LYPLA1: variants seen among roughly 807,000 people sequenced by gnomAD.
LYPLA1 encodes lysophospholipase 1.
LYPLA1 carries 17 observed loss-of-function variants against 34.0 expected under a neutral mutation model. That is an observed-to-expected ratio of 0.50 (90% CI 0.34 to 0.75). The LOEUF (loss-of-function observed/expected upper bound fraction) is 0.75, where lower values mean the gene tolerates loss of function less well. Ranked by LOEUF, LYPLA1 falls within the 30% of genes least tolerant of loss-of-function variation. The pLI is 0.01. For synonymous variants in LYPLA1, 98 were observed against 100.8 expected, an observed-to-expected ratio of 0.97 and a Z score of 0.17; for missense variants, 203 against 288.8, an observed-to-expected ratio of 0.70 and a Z score of 2.15.
chr8:54,050,069 T>C (rs1291010729), intron 8 of LYPLA1, among the ~76,000 whole-genome samples: 1 of 152,220 alleles, frequency 6.6e-6, no homozygotes, highest in Non-Finnish European at 1.5e-5. Flanking sequence ...TTTTTTCTTA[T>C]AATGCTTTCT....
intron 6 of LYPLA1, chr8:54,053,666 C>T (rs1806003086): frequency 2.2e-6 from 1 of 456,156 alleles, no homozygotes; most frequent in African/African-American, 2.0e-5. Flanking sequence ...TGTGTGGCTA[C>T]ACCTGTAACA....
At chr8:54,097,026 A>G (rs772157684) in intron 2 of LYPLA1, among the ~76,000 whole-genome samples, 1 of 152,260 alleles carries the variant, frequency 6.6e-6, no homozygotes, top group Non-Finnish European at 1.5e-5. Context: ...GAATGACAGA[A>G]TTGGAAAATC....
intron 5 of LYPLA1, among the ~76,000 whole-genome samples, chr8:54,061,142 G>T (rs1436259959): frequency 6.7e-6 from 1 of 149,820 alleles, no homozygotes; most frequent in South Asian, 2.1e-4. Flanking sequence ...GTGCAATGGC[G>T]CAATCTCGGC....
At chr8:54,098,428 C>T (rs1026596755) in intron 2 of LYPLA1, among the ~76,000 whole-genome samples, 4 of 152,152 alleles carry the variant, frequency 2.6e-5, no homozygotes, top group Non-Finnish European at 5.9e-5. Flanking sequence ...CCTGTAATCC[C>T]AGCACTGCGG....
At chr8:54,056,597 GA>G (rs898982411) in intron 5 of LYPLA1, among the ~76,000 whole-genome samples, 2 of 151,996 alleles carry the variant, frequency 1.3e-5, no homozygotes, top group Non-Finnish European at 2.9e-5. Flanking sequence ...AACTCTATAG[GA>G]AAAAAATCTA....
intron 3 of LYPLA1, among the ~76,000 whole-genome samples, chr8:54,064,181 G>T (rs1302862900): frequency 6.6e-6 from 1 of 152,206 alleles, no homozygotes; most frequent in Non-Finnish European, 1.5e-5. Flanking sequence ...TTGGGAGGCC[G>T]AGGCGGGCGG....
At chr8:54,051,746 G>T (rs960448324) in intron 7 of LYPLA1, among the ~76,000 whole-genome samples, 1 of 152,080 alleles carries the variant, frequency 6.6e-6, no homozygotes, top group Non-Finnish European at 1.5e-5. Flanking sequence ...ACTGCACCCA[G>T]CCAAGCAGAT....
intron 2 of LYPLA1, among the ~76,000 whole-genome samples, chr8:54,090,381 T>C (rs1199889509): frequency 1.3e-5 from 2 of 152,228 alleles, no homozygotes; most frequent in Non-Finnish European, 2.9e-5. Context: ...ATGGAAAGAC[T>C]GTGTTTCTGT....
intron 2 of LYPLA1, among the ~76,000 whole-genome samples, chr8:54,079,162 C>A (rs1808124756): frequency 6.6e-6 from 1 of 151,904 alleles, no homozygotes; most frequent in African/African-American, 2.4e-5. Context: ...GTATTTTCAA[C>A]AGAGATGGGG....
intron 6 of LYPLA1, among the ~76,000 whole-genome samples, chr8:54,053,920 A>G (rs527759388): frequency 3.2e-4 from 48 of 152,268 alleles, no homozygotes; most frequent in Non-Finnish European, 1.2e-4. Context: ...TGGTTTCTAT[A>G]TACTGTAATG....
chr8:54,080,974 C>G (rs1351959351), intron 2 of LYPLA1, among the ~76,000 whole-genome samples: 1 of 152,142 alleles, frequency 6.6e-6, no homozygotes, highest in Non-Finnish European at 1.5e-5. Flanking sequence ...AACTCTATAC[C>G]ACTGGCTTTT....
rs1211730200 is a variant in LYPLA1 at position 54,101,912 on chromosome 8, C to G, written c.-89G>C. On this transcript the variant is annotated 5_prime_UTR_variant, in exon 1 of 9. Transcript: ENST00000316963. ...GTGCGAGCGGCGAGTCCCGGCCGGC[C>G]CCACCGGGCGCACGCTCAGGCGCGT... 1.3e-6 allele frequency: 1 copy of G among 757,962 alleles called. No individual in the cohort carries two copies. The highest frequency in any genetic ancestry group is 1.9e-5 in the African/African-American group (1 of 52,808). 47.0% of individuals were successfully genotyped at this position (757,962 alleles called of 1,614,324 possible).
At chr8:54,075,222 C>G (rs6473907) in intron 2 of LYPLA1, among the ~76,000 whole-genome samples, 19,809 of 152,226 alleles carry the variant, frequency 0.13, 3,416 homozygotes, top group African/African-American at 0.4. Flanking sequence ...CTACAGAAAC[C>G]AGCTGCAAAG....
chr8:54,058,726 G>A (rs746384190), intron 5 of LYPLA1, among the ~76,000 whole-genome samples: 25 of 150,900 alleles, frequency 1.7e-4, no homozygotes, highest in Non-Finnish European at 2.7e-4. Context: ...CCACAGACAT[G>A]CGCCACCACG....
chr8:54,063,468 T>C, intron 3 of LYPLA1, 93 bp from the exon 4 acceptor site: 3 of 764,052 alleles, frequency 3.9e-6, no homozygotes, highest in South Asian at 3.3e-5. Context: ...GCTTGAGACC[T>C]ACACAAAACT....
downstream of LYPLA1, chr8:54,046,336 G>A (rs1000139836): frequency 6.6e-6 from 1 of 152,416 alleles, no homozygotes; most frequent in East Asian, 1.9e-4. Context: ...CATTCCAAAT[G>A]TTAACATTCC....
chr8:54,090,811 G>C (rs966431277), intron 2 of LYPLA1, among the ~76,000 whole-genome samples: 2 of 152,148 alleles, frequency 1.3e-5, no homozygotes, highest in Non-Finnish European at 2.9e-5. Flanking sequence ...AGAGATAATT[G>C]AATCACAGGG....
chr8:54,053,774 G>C (rs888389668), intron 6 of LYPLA1: 58 of 455,880 alleles, frequency 1.3e-4, no homozygotes, highest in African/African-American at 1.0e-3. Flanking sequence ...AGAAACAAGA[G>C]ATGAGAGATG....
At chr8:54,079,935 TATTTCA>T (rs1317424384) in intron 2 of LYPLA1, among the ~76,000 whole-genome samples, 7 of 152,240 alleles carry the variant, frequency 4.6e-5, no homozygotes, top group Non-Finnish European at 1.0e-4. Context: ...TTTCTATTTC[TATTTCA>T]ATTTCTAAGT....
Sources: gnomAD v4.1 joint callset for allele counts (sites outside exome capture counted in the v4.1 genomes callset) on GRCh38, gnomAD v4.1.1 for gene constraint, MANE v1.5 for transcripts, NCBI Gene and HGNC (gene_info 2026-07-23, HGNC 2026-07-21) for gene names.